Variants in SATB2 observed in about 807,000 individuals in gnomAD.
SATB2 encodes the protein DNA-binding protein SATB2.
A neutral mutation model predicts 73.4 loss-of-function variants in SATB2; 1 was observed. That is an observed-to-expected ratio of 0.01 (90% confidence interval 0.00 to 0.06). The LOEUF is 0.06. Ranked by LOEUF, SATB2 falls within the 10% of genes least tolerant of loss-of-function variation. The pLI, the probability that SATB2 is intolerant of heterozygous loss-of-function variation, is 1.00. For synonymous variants in SATB2, 397 were observed against 367.0 expected (o/e 1.08, Z -0.93); for missense variants, 459 against 945.8 (o/e 0.49, Z 6.75).
chr2:199,439,602 A>G (rs1276757424), intron 2 of SATB2, among the ~76,000 whole-genome samples: 1 of 152,240 alleles, frequency 6.6e-6, no homozygotes, highest in Non-Finnish European at 1.5e-5. Flanking sequence ...ACAGAGAGAA[A>G]AAGTGAGGGA....
chr2:199,455,720 G>C lies in SATB2; in HGVS notation c.169+149C>G. On this transcript the variant is annotated intron_variant, in intron 2 of 10. Transcript: ENST00000417098. The surrounding 1 kb of genome is among the most constrained non-coding windows in gnomAD (Gnocchi z 4.1). The stretch of plus-strand genomic sequence containing the variant: ...ACTGGAGATGAAGCTACCAGTTGCA[G>C]ATGAGAGGCGACGGGGGCATTATTT... 1 of 863,788 alleles carries C rather than the reference G, an allele frequency of 1.2e-6. No homozygotes were observed. Among genetic ancestry groups the C allele is most frequent in the Non-Finnish European group, 1.8e-6 (1 of 554,562 alleles). 53.5% of individuals were successfully genotyped at this position (863,788 alleles called of 1,614,324 possible).
At chr2:199,274,001 C>T (rs944347557) in intron 10 of SATB2, among the ~76,000 whole-genome samples, 2 of 152,208 alleles carry the variant, frequency 1.3e-5, no homozygotes, top group African/African-American at 2.4e-5. Flanking sequence ...CTCTTCCCCA[C>T]TAAAATGTGT....
intron 3 of SATB2, among the ~76,000 whole-genome samples, chr2:199,410,246 G>A (rs118144957): frequency 1.4e-3 from 212 of 152,292 alleles, no homozygotes; most frequent in African/African-American, 4.9e-3. Context: ...CTGAAAGGAC[G>A]CTTGGGTCAG....
At chr2:199,440,301 G>A (rs1691777854) in intron 2 of SATB2, among the ~76,000 whole-genome samples, 1 of 152,168 alleles carries the variant, frequency 6.6e-6, no homozygotes, top group African/African-American at 2.4e-5. Context: ...CCTGGGCTAA[G>A]GCAGCCACAG....
At position 199,392,174 on chromosome 2, in the gene SATB2, A is replaced by G. The variant is rs180881746; in HGVS notation, c.347-10354T>C. Among the ~76,000 whole-genome samples, 235 of 152,264 alleles carry G rather than the reference A, an allele frequency of 1.5e-3. 2 individuals carry two copies. Among genetic ancestry groups the G allele is most frequent in the East Asian group, 6.6e-3 (34 of 5,182 alleles). ...CATCACTGCCCAGCGTGCCCAGTAAAAAGCAAGGACTGGGAGCATCTAGAT... is the reference window on the plus strand; with the variant it reads ...CATCACTGCCCAGCGTGCCCAGTAAGAAGCAAGGACTGGGAGCATCTAGAT... On this transcript the variant is annotated intron_variant, in intron 3 of 10. Transcript: ENST00000417098.
intron 2 of SATB2, among the ~76,000 whole-genome samples, chr2:199,443,136 A>C (rs1310365867): frequency 1.3e-5 from 2 of 151,196 alleles, no homozygotes; most frequent in African/African-American, 4.9e-5. Flanking sequence ...AGCTATTTGC[A>C]ACTCAGAGTC....
intron 3 of SATB2, among the ~76,000 whole-genome samples, chr2:199,413,530 A>G (rs1405374617): frequency 6.6e-6 from 1 of 151,232 alleles, no homozygotes; most frequent in African/African-American, 2.4e-5. Flanking sequence ...GCTGTGGCCA[A>G]CAGTGCTCCT....
chr2:199,469,096 T>C (rs1410204281), upstream of SATB2, among the ~76,000 whole-genome samples: 1 of 152,022 alleles, frequency 6.6e-6, no homozygotes, highest in Non-Finnish European at 1.5e-5. Flanking sequence ...GGCCCACATC[T>C]CGAGTCTCCA....
intron 3 of SATB2, among the ~76,000 whole-genome samples, chr2:199,419,227 C>T (rs1691092279): frequency 6.6e-6 from 1 of 152,142 alleles, no homozygotes; most frequent in African/African-American, 2.4e-5. Flanking sequence ...CTTCCACCAC[C>T]ACAGAGGCCT....
At chr2:199,406,308 G>A (rs978775554) in intron 3 of SATB2, among the ~76,000 whole-genome samples, 5 of 152,054 alleles carry the variant, frequency 3.3e-5, no homozygotes, top group Admixed American at 2.6e-4. Context: ...AAGTTAAAAT[G>A]GAAACACTGT....
intron 3 of SATB2, among the ~76,000 whole-genome samples, chr2:199,405,347 T>C (rs1689857040): frequency 6.6e-6 from 1 of 152,112 alleles, no homozygotes; most frequent in Non-Finnish European, 1.5e-5. Flanking sequence ...TTCTCAAAAC[T>C]TGGGGACATG....
chr2:199,440,307 C>CA (rs1162217734), intron 2 of SATB2, among the ~76,000 whole-genome samples: 1 of 152,190 alleles, frequency 6.6e-6, no homozygotes, highest in Non-Finnish European at 1.5e-5. Flanking sequence ...CTAAGGCAGC[C>CA]ACAGGCTCTA....
At chr2:199,309,567 G>A (rs1687536674) in intron 9 of SATB2, among the ~76,000 whole-genome samples, 1 of 152,208 alleles carries the variant, frequency 6.6e-6, no homozygotes, top group Non-Finnish European at 1.5e-5. Flanking sequence ...CTGCAGGAAG[G>A]TAGGCAGTTG....
intron 10 of SATB2, among the ~76,000 whole-genome samples, chr2:199,295,082 A>G (rs920865419): frequency 2.6e-5 from 4 of 152,218 alleles, no homozygotes; most frequent in African/African-American, 9.6e-5. Context: ...CAGATACTCA[A>G]GTGAGCTTTG....
At chr2:199,446,085 T>G (rs1024788436) in intron 2 of SATB2, among the ~76,000 whole-genome samples, 1 of 152,122 alleles carries the variant, frequency 6.6e-6, no homozygotes, top group Non-Finnish European at 1.5e-5. Context: ...TGACTTAATA[T>G]TAAGATTCCA....
At chr2:199,283,554 T>C (rs920607783) in intron 10 of SATB2, among the ~76,000 whole-genome samples, 1 of 150,194 alleles carries the variant, frequency 6.7e-6, no homozygotes, top group Non-Finnish European at 1.5e-5. Context: ...AAAAGGTAAA[T>C]AATGCCTTGG....
intron 3 of SATB2, among the ~76,000 whole-genome samples, chr2:199,432,841 G>A (rs1691542517): frequency 6.6e-6 from 1 of 151,984 alleles, no homozygotes; most frequent in South Asian, 2.1e-4. Flanking sequence ...TAAAGACATG[G>A]CAATATTTTT....
At chr2:199,372,697 C>A (rs1009495852) in intron 5 of SATB2, among the ~76,000 whole-genome samples, 2 of 152,156 alleles carry the variant, frequency 1.3e-5, no homozygotes, top group African/African-American at 4.8e-5. Context: ...CCACCTCCAT[C>A]AGCGACCCCA....
At chr2:199,377,831 G>T (rs965859108) in intron 5 of SATB2, among the ~76,000 whole-genome samples, 5 of 152,096 alleles carry the variant, frequency 3.3e-5, no homozygotes, top group Non-Finnish European at 7.4e-5. Flanking sequence ...AAGGGAAAAA[G>T]ATTTTAGATG....
Sources: gnomAD v4.1 joint callset for allele counts (sites outside exome capture counted in the v4.1 genomes callset) on GRCh38, gnomAD v4.1.1 for gene constraint, Gnocchi (gnomAD v3.1) non-coding constraint, MANE v1.5 for transcripts, NCBI Gene and HGNC (gene_info 2026-07-23, HGNC 2026-07-21) for gene names.